SLC36A2: variants seen among roughly 807,000 people sequenced by gnomAD.
The protein encoded by SLC36A2 is solute carrier family 36 member 2, also known as proton-coupled amino acid transporter 2.
A neutral mutation model predicts 42.7 loss-of-function variants in SLC36A2; 39 were observed. The observed-to-expected ratio is 0.91, with a 90% confidence interval of 0.71 to 1.19. SLC36A2 has a LOEUF of 1.19. Ranked by LOEUF, SLC36A2 falls within the 50% of genes most tolerant of loss-of-function variation. The pLI, the probability that SLC36A2 is intolerant of heterozygous loss-of-function variation, is 0.00. For missense variants in SLC36A2, 590 were observed against 613.7 expected, an observed-to-expected ratio of 0.96 and a Z score of 0.41; for synonymous variants, 237 against 240.8, an observed-to-expected ratio of 0.98 and a Z score of 0.15.
chr5:151,323,034 G>C (rs1486754226), intron 8 of SLC36A2, among the ~76,000 whole-genome samples: 1 of 152,118 alleles, frequency 6.6e-6, no homozygotes, highest in African/African-American at 2.4e-5. Context: ...TCACGAATTT[G>C]AGACCAGTCT....
intron 4 of SLC36A2, 86 bp downstream of exon 4, chr5:151,342,802 A>G (rs1756383863): frequency 1.7e-6 from 2 of 1,181,012 alleles, no homozygotes; most frequent in African/African-American, 3.0e-5. Flanking sequence ...CAAACAAACC[A>G]CCTTTCCAGG....
At chr5:151,328,650 G>C (rs1252382583) in intron 7 of SLC36A2, among the ~76,000 whole-genome samples, 1 of 152,186 alleles carries the variant, frequency 6.6e-6, no homozygotes. Flanking sequence ...ATCTGAGATA[G>C]AAATCCTTAT....
chr5:151,339,502 G>C (rs566730126), intron 4 of SLC36A2, among the ~76,000 whole-genome samples: 81 of 152,230 alleles, frequency 5.3e-4, no homozygotes, highest in Non-Finnish European at 1.9e-4. Flanking sequence ...TAGAGACAAG[G>C]TTTCTCCATG....
At chr5:151,319,712 C>T (rs1369540857) in intron 9 of SLC36A2, 1 of 153,122 alleles carries the variant, frequency 6.5e-6, no homozygotes, top group Non-Finnish European at 1.5e-5. Flanking sequence ...GGGGTGAAGG[C>T]TTGGCTAGTC....
chr5:151,318,944 C>G (rs965661195), intron 9 of SLC36A2, among the ~76,000 whole-genome samples: 1 of 152,130 alleles, frequency 6.6e-6, no homozygotes, highest in African/African-American at 2.4e-5. Flanking sequence ...ATCCCAGGAG[C>G]CTTGAGCAGG....
At position 151,317,098 on chromosome 5, in the gene SLC36A2, G is replaced by A. The variant is rs370578584; in HGVS notation, c.1181-10C>T. 3.1e-6 allele frequency: 5 copies of A among 1,613,518 alleles called. No homozygotes were observed. In the African/African-American group the frequency reaches 5.3e-5, roughly 17 times the overall value. On this transcript the variant is annotated splice_polypyrimidine_tract_variant and intron_variant, in intron 9 of 9. Coordinates refer to ENST00000335244, the MANE Select transcript of SLC36A2 (RefSeq NM_181776.3). ...AGGATGGCCAGGAGGCCTGCAGGGA[G>A]AGGATAGTGGAGAGATGGAGCATTC...
intron 5 of SLC36A2, among the ~76,000 whole-genome samples, chr5:151,335,789 G>A (rs1756138290): frequency 1.3e-5 from 2 of 152,132 alleles, no homozygotes; most frequent in East Asian, 1.9e-4. Flanking sequence ...AGCACTTTGG[G>A]AGGCCGAGGC....
intron 4 of SLC36A2, 103 bp downstream of exon 4, chr5:151,342,785 G>A (rs1580865111): frequency 1.1e-6 from 1 of 923,458 alleles, no homozygotes; most frequent in East Asian, 2.5e-5. Flanking sequence ...ATCTAACATA[G>A]AAGTGCCAAA....
At chr5:151,341,750 A>T (rs1194905077) in intron 4 of SLC36A2, among the ~76,000 whole-genome samples, 2 of 152,070 alleles carry the variant, frequency 1.3e-5, no homozygotes, top group African/African-American at 4.8e-5. Context: ...ATGGCTGATG[A>T]CTTCAGTTCT....
At chr5:151,322,022 C>A in intron 9 of SLC36A2, 24 bp downstream of exon 9, 4 of 1,613,982 alleles carry the variant, frequency 2.5e-6, no homozygotes, top group Non-Finnish European at 3.4e-6. Context: ...TCAGCAGGAA[C>A]ACTGCACTCT....
chr5:151,342,886 ACC>A lies in SLC36A2; in HGVS notation c.440_440+1del, dbSNP rs781568973. ...ACTGCAGGCAAAGCAAGAACAGGTT[ACC>A]TTCCCCAGTGAGCGTGATTCTGGAG... On this transcript the variant is annotated splice_donor_variant and coding_sequence_variant, in exon 4 of 10. Transcript: ENST00000335244. LOFTEE classifies it high-confidence loss of function. 6.2e-7 allele frequency: 1 copy of A among 1,613,722 alleles called. No homozygotes were observed. The highest frequency in any genetic ancestry group is 8.5e-7 in the Non-Finnish European group (1 of 1,179,692).
intron 7 of SLC36A2, among the ~76,000 whole-genome samples, chr5:151,329,273 C>G (rs774828862): frequency 6.6e-6 from 1 of 152,174 alleles, no homozygotes; most frequent in African/African-American, 2.4e-5. Context: ...GATATTGGAA[C>G]CATGGCCCAC....
intron 9 of SLC36A2, chr5:151,319,093 C>T (rs1470390113): frequency 2.2e-6 from 2 of 909,660 alleles, no homozygotes; most frequent in East Asian, 1.2e-4. Flanking sequence ...GGCTACTATC[C>T]TTTTAGGTAT....
chr5:151,316,973 G>A lies in SLC36A2; in HGVS notation c.1296C>T (p.Tyr432=), dbSNP rs1755514811. ...TGGTGAGGGGGCTCATGCCCTCTGA[G>A]TAGAACGTGGTGACCTCCAGGAGCG... ...IPPLLEVTTF[Y]SEGMSPLTIF... is the part of the protein sequence containing the mutation. Residue 432 remains tyrosine, a synonymous_variant, in exon 10 of 10, where the codon TAC becomes TAT. Coordinates refer to ENST00000335244, the MANE Select transcript of SLC36A2 (RefSeq NM_181776.3). 1.9e-6 allele frequency: 3 copies of A among 1,614,054 alleles called. No homozygotes were observed. The highest frequency in any genetic ancestry group is 2.2e-5 in the South Asian group (2 of 91,072).
intron 8 of SLC36A2, 155 bp downstream of exon 8, chr5:151,325,131 A>C: frequency 8.0e-6 from 7 of 873,060 alleles, no homozygotes; most frequent in Non-Finnish European, 1.1e-5. Flanking sequence ...CTCCCAGGAC[A>C]GAGAATCTGG....
At position 151,315,693 on chromosome 5, in the gene SLC36A2, T is replaced by G. The variant is rs67888433; in HGVS notation, c.*1124A>C. The G allele has an allele frequency of 2.0e-5, 3 of 152,272 alleles. No homozygotes were observed. The highest frequency in any genetic ancestry group is 3.9e-4 in the East Asian group (2 of 5,168). The allele number at this position is 152,272 out of a possible 1,614,324, so 9.4% of individuals were successfully genotyped here. On this transcript the variant is annotated 3_prime_UTR_variant, in exon 10 of 10. Transcript: ENST00000335244. ...AAATTTAAGGGATACAGATACAGAC[T>G]TCATCTTTTCATAGGAGCAGGTGCA...
In SLC36A2 at chr5:151,316,939, C is replaced by G. The variant is rs758684875; in HGVS notation, c.1330G>C (p.Asp444His). ...AAGCCCAGGATGCTGATCAGGGCGT[C>G]CTTGAAGATGGTGAGGGGGCTCATG... is the stretch of plus-strand genomic sequence containing the variant. Reference protein sequence around the residue: ...EGMSPLTIFKDALISILGFVG... With the variant: ...EGMSPLTIFKHALISILGFVG... Residue 444 changes from aspartate to histidine, a missense_variant, in exon 10 of 10, where the codon GAC (aspartate) becomes CAC (histidine). Asp to His is a moderately conservative substitution (Grantham distance 81). Transcript: ENST00000335244. The G allele has an allele frequency of 6.2e-7, 1 of 1,613,972 alleles. No individual in the cohort carries two copies. Among genetic ancestry groups the G allele is most frequent in the Non-Finnish European group, 8.5e-7 (1 of 1,179,984 alleles).
chr5:151,337,831 A>G (rs1756203086), intron 5 of SLC36A2, among the ~76,000 whole-genome samples: 1 of 152,252 alleles, frequency 6.6e-6, no homozygotes, highest in African/African-American at 2.4e-5. Flanking sequence ...ATGACTAAAT[A>G]TAAGGATATT....
chr5:151,331,952 C>T (rs556978221), intron 7 of SLC36A2, among the ~76,000 whole-genome samples: 2 of 152,106 alleles, frequency 1.3e-5, no homozygotes, highest in South Asian at 2.1e-4. Context: ...CTGCAACTTC[C>T]GCTTCCTGGG....
Sources: allele counts gnomAD v4.1 joint callset (sites outside exome capture counted in the v4.1 genomes callset), GRCh38; gene constraint gnomAD v4.1.1; transcripts MANE v1.5; gene names NCBI Gene and HGNC (gene_info 2026-07-23, HGNC 2026-07-21).